RAB21: variants seen among roughly 807,000 people sequenced by gnomAD.
The protein encoded by RAB21 is RAB21, member RAS oncogene family.
RAB21 carries 13 observed loss-of-function variants against 33.1 expected under a neutral mutation model. The ratio of observed to expected loss-of-function variants is 0.39; its 90% CI spans 0.26 to 0.62. RAB21 has a LOEUF of 0.62. Ranked by LOEUF, RAB21 falls within the 20% of genes least tolerant of loss-of-function variation. RAB21 has a pLI of 0.48. For missense variants in RAB21, 234 were observed against 279.1 expected, an observed-to-expected ratio of 0.84 and a Z score of 1.15; for synonymous variants, 91 against 103.7, an observed-to-expected ratio of 0.88 and a Z score of 0.74.
intron 3 of RAB21, among the ~76,000 whole-genome samples, chr12:71,772,032 T>G (rs1214713041): frequency 6.6e-6 from 1 of 151,994 alleles, no homozygotes; most frequent in Non-Finnish European, 1.5e-5. Flanking sequence ...TCTACTACTG[T>G]GTAACAAAAC....
intron 4 of RAB21, among the ~76,000 whole-genome samples, chr12:71,779,020 C>T (rs1217393825): frequency 6.6e-6 from 1 of 152,178 alleles, no homozygotes; most frequent in Non-Finnish European, 1.5e-5. Flanking sequence ...TGATGAATGT[C>T]ATTAATATTA....
rs1170946887 is a variant in RAB21, at chr12:71,786,820, T to G, written c.*1147T>G. On this transcript the variant is annotated 3_prime_UTR_variant, in exon 7 of 7. Transcript: ENST00000261263. ...TGATTGAGCAGTAGCATTTGCCTTT[T>G]GGGTTTTTTGTTTGTTATTATAGAA... 1 of 152,252 alleles carries G rather than the reference T, an allele frequency of 6.6e-6. No homozygotes were observed. The highest frequency in any genetic ancestry group is 1.5e-5 in the Non-Finnish European group (1 of 68,032). The allele number at this position is 152,252 out of a possible 1,614,324, so 9.4% of individuals were successfully genotyped here. A position where few individuals can be genotyped will look rare whatever the true frequency, so the allele number is the denominator to read the frequency against.
At chr12:71,762,737 C>T (rs756071428) in intron 1 of RAB21, among the ~76,000 whole-genome samples, 2 of 152,238 alleles carry the variant, frequency 1.3e-5, no homozygotes, top group African/African-American at 4.8e-5. Flanking sequence ...CGCCCACCAT[C>T]ACGCCTGGCT....
chr12:71,785,480 G>A lies in RAB21; in HGVS notation c.536-51G>A, dbSNP rs756016522. 2.5e-6 allele frequency: 4 copies of A among 1,590,260 alleles called. No individual in the cohort carries two copies. In the South Asian group the frequency reaches 3.4e-5, roughly 14 times the overall value. On this transcript the variant is annotated intron_variant, in intron 6 of 6. Transcript: ENST00000261263. Reference sequence around the variant, plus strand: ...GTGTTATACTGAAATTTTAGAAAGAGAAAACACAAATATTGTGGTCCTAAT... The same window carrying A: ...GTGTTATACTGAAATTTTAGAAAGAAAAAACACAAATATTGTGGTCCTAAT...
intron 3 of RAB21, among the ~76,000 whole-genome samples, chr12:71,772,496 T>C (rs1883058342): frequency 6.6e-6 from 1 of 152,080 alleles, no homozygotes; most frequent in Admixed American, 6.5e-5. Flanking sequence ...CATCTCTAAC[T>C]CAACAAAAAT....
Position 71,782,225 on chromosome 12 carries a change from G to A in RAB21, c.446+140G>A, listed in dbSNP as rs182823954. On this transcript the variant is annotated intron_variant, in intron 5 of 6. Transcript: ENST00000261263. ...TGGATTCAGTGAAGCATGTTTACAT[G>A]GTAATTTCTGGGCTTGTGGCAATAA... is the stretch of plus-strand genomic sequence containing the variant. The A allele has an allele frequency of 2.6e-5, 21 of 813,058 alleles. No individual in the cohort carries two copies. The East Asian group carries it at 5.4e-4, about 21-fold the overall frequency. 50.4% of individuals were successfully genotyped at this position (813,058 alleles called of 1,614,324 possible). A position where few individuals can be genotyped will look rare whatever the true frequency, so the allele number is the denominator to read the frequency against.
rs1009359439 is a variant in RAB21, at chr12:71,785,643, C to T, written c.648C>T (p.Thr216=). ...TTGATGATGAACCTCAAGCCCAGACCAGTGGTGGAGGGTGCTGTTCTTCTG... is the reference window on the plus strand; with the variant it reads ...TTGATGATGAACCTCAAGCCCAGACTAGTGGTGGAGGGTGCTGTTCTTCTG... ...QIIDDEPQAQ[T]SGGGCCSSG is the part of the protein sequence containing the mutation. The change falls in exon 7 of 7, where the codon ACC becomes ACT. Residue 216 remains threonine (T), a synonymous_variant. Coordinates refer to ENST00000261263, the MANE Select transcript of RAB21 (RefSeq NM_014999.4). 6.2e-7 allele frequency: 1 copy of T among 1,614,046 alleles called. No homozygotes were observed. The highest frequency in any genetic ancestry group is 1.3e-5 in the African/African-American group (1 of 74,910).
At chr12:71,770,565 C>G (rs758958793) in intron 2 of RAB21, 27 bp from the exon 3 acceptor site, 7 of 1,431,264 alleles carry the variant, frequency 4.9e-6, no homozygotes, top group African/African-American at 1.4e-5. Context: ...TTCTTCTGAT[C>G]TAATAAGCAT....
intron 4 of RAB21, among the ~76,000 whole-genome samples, chr12:71,781,207 A>G (rs182472882): frequency 5.3e-4 from 80 of 152,202 alleles, no homozygotes; most frequent in African/African-American, 1.8e-3. Flanking sequence ...CGGTGGCTCA[A>G]GCCTGTAATC....
rs1344257158 is a variant in RAB21 at position 71,797,648 on chromosome 12, TA to T, written c.*11976del. 1 of 131,146 alleles carries T rather than the reference TA, an allele frequency of 7.6e-6. No homozygotes were observed. The allele number at this position is 131,146 out of a possible 1,614,324, so 8.1% of individuals were successfully genotyped here. On this transcript the variant is annotated 3_prime_UTR_variant, in exon 7 of 7. Transcript: ENST00000261263. ...GGAAAAAAAAAAAAAAAAGCAAGAC[TA>T]GCCAGGAAAACTGAAAAAACAATGA...
intron 6 of RAB21, 85 bp downstream of exon 6, chr12:71,782,743 A>G (rs1883220703): frequency 1.2e-6 from 1 of 868,026 alleles, no homozygotes; most frequent in East Asian, 2.8e-5. Context: ...CACCAGTGTT[A>G]CTTTTCAAAG....
At chr12:71,783,903 A>G (rs1883240755) in intron 6 of RAB21, among the ~76,000 whole-genome samples, 1 of 151,574 alleles carries the variant, frequency 6.6e-6, no homozygotes, top group African/African-American at 2.4e-5. Flanking sequence ...ATAACAATGC[A>G]CTAAGTCAGT....
chr12:71,782,141 T>G (rs1883210691), intron 5 of RAB21, 56 bp downstream of exon 5: 1 of 1,487,814 alleles, frequency 6.7e-7, no homozygotes, highest in African/African-American at 1.4e-5. Context: ...TCTTCCTCTT[T>G]ATACGTTTTG....
intron 1 of RAB21, among the ~76,000 whole-genome samples, chr12:71,756,461 C>T (rs530406064): frequency 1.3e-5 from 2 of 152,246 alleles, no homozygotes; most frequent in Admixed American, 1.3e-4. Context: ...TGCGTAATCT[C>T]CTAATTGTTG....
chr12:71,779,410 C>T (rs1046121449), intron 4 of RAB21, among the ~76,000 whole-genome samples: 3 of 152,080 alleles, frequency 2.0e-5, no homozygotes, highest in African/African-American at 7.2e-5. Flanking sequence ...GCCGTGTTCA[C>T]GCCACTGCAT....
chr12:71,772,306 T>C (rs1883055231), intron 3 of RAB21, among the ~76,000 whole-genome samples: 1 of 152,210 alleles, frequency 6.6e-6, no homozygotes, highest in African/African-American at 2.4e-5. Context: ...ATATGACAAC[T>C]GGATCCCAAG....
chr12:71,771,560 A>G (rs1883042588), intron 3 of RAB21, among the ~76,000 whole-genome samples: 1 of 152,264 alleles, frequency 6.6e-6, no homozygotes. Flanking sequence ...ATCCAAAAGT[A>G]GAAAATGAAA....
At chr12:71,759,561 G>A (rs1882840062) in intron 1 of RAB21, among the ~76,000 whole-genome samples, 1 of 152,228 alleles carries the variant, frequency 6.6e-6, no homozygotes, top group Non-Finnish European at 1.5e-5. Flanking sequence ...TGTTAATGGA[G>A]TGCTATACAT....
intron 6 of RAB21, 55 bp from the exon 7 acceptor site, chr12:71,785,476 A>G: frequency 6.3e-7 from 1 of 1,583,294 alleles, no homozygotes; most frequent in African/African-American, 1.4e-5. Context: ...AAATTTTAGA[A>G]AGAGAAAACA....
Sources: gnomAD v4.1 joint callset for allele counts (sites outside exome capture counted in the v4.1 genomes callset) on GRCh38, gnomAD v4.1.1 for gene constraint, MANE v1.5 for transcripts, NCBI Gene and HGNC (gene_info 2026-07-23, HGNC 2026-07-21) for gene names.